The following ANKRD36 variants were observed in gnomAD, a reference collection of about 807,000 sequenced individuals.
ANKRD36 encodes the protein ankyrin repeat domain 36, also known as ankyrin repeat domain-containing protein 36A.
ANKRD36 carries 179 observed loss-of-function variants against 278.1 expected under a neutral mutation model. The ratio of observed to expected loss-of-function variants is 0.64; its 90% CI spans 0.57 to 0.73. The LOEUF is 0.73. ANKRD36 is among the 30% of genes least tolerant of loss of function. The pLI, the probability that ANKRD36 is intolerant of heterozygous loss-of-function variation, is 0.00. For synonymous variants in ANKRD36, 320 were observed against 641.1 expected (o/e 0.50, Z 7.57); for missense variants, 1,159 against 1,956.7 (o/e 0.59, Z 7.69).
intron 15 of ANKRD36, among the ~76,000 whole-genome samples, chr2:97,157,737 T>C (rs1400739959): frequency 6.7e-6 from 1 of 148,766 alleles, no homozygotes; most frequent in African/African-American, 2.5e-5. Flanking sequence ...CATGCCTAAG[T>C]ATTTTGAAAA....
intron 42 of ANKRD36, among the ~76,000 whole-genome samples, chr2:97,197,701 A>T (rs1255698896): frequency 6.6e-6 from 1 of 151,914 alleles, no homozygotes; most frequent in Non-Finnish European, 1.5e-5. Context: ...CTGAATGAAA[A>T]ACTGATCAAT....
Position 97,120,531 on chromosome 2 carries a change from A to G in ANKRD36, c.486+2014A>G, listed in dbSNP as rs536444432. On this transcript the variant is annotated intron_variant, in intron 3 of 75. Coordinates refer to ENST00000420699, the MANE Select transcript of ANKRD36 (RefSeq NM_001354587.1). ...TAATTTAATATTATTTTAATAATTT[A>G]GTTGCAGCAGTCTTATGAACTAATT... is the stretch of plus-strand genomic sequence containing the variant. Among the ~76,000 whole-genome samples the G allele has an allele frequency of 3.5e-4, 53 of 151,116 alleles. 1 individual carries two copies. The highest frequency in any genetic ancestry group is 1.3e-3 in the African/African-American group (53 of 41,420).
At chr2:97,197,090 G>C (rs561097686) in intron 42 of ANKRD36, among the ~76,000 whole-genome samples, 3 of 151,926 alleles carry the variant, frequency 2.0e-5, no homozygotes, top group Non-Finnish European at 4.4e-5. Context: ...CTTGTTTTCA[G>C]TAAGGGTGGA....
At chr2:97,187,081 A>G in intron 30 of ANKRD36, 117 bp from the exon 31 acceptor site, 1 of 1,523,404 alleles carries the variant, frequency 6.6e-7, no homozygotes, top group Non-Finnish European at 8.8e-7. Flanking sequence ...AGTAGAAAAC[A>G]TCAAAGCCTA....
chr2:97,199,331 C>G (rs1425577082), intron 44 of ANKRD36, among the ~76,000 whole-genome samples: 2 of 151,888 alleles, frequency 1.3e-5, no homozygotes, highest in Non-Finnish European at 2.9e-5. Context: ...TAGGAGGCCT[C>G]AGAGATACAT....
intron 56 of ANKRD36, among the ~76,000 whole-genome samples, chr2:97,210,360 T>C (rs2064107743): frequency 6.6e-6 from 1 of 151,804 alleles, no homozygotes; most frequent in Admixed American, 6.6e-5. Context: ...ATAAGAGGAA[T>C]TCTTTTATAT....
rs576578768 is a variant in ANKRD36, at chr2:97,145,356, C to T, written c.1003+644C>T. On this transcript the variant is annotated intron_variant, in intron 10 of 75. Transcript: ENST00000420699. ...TGCTAGAATTGTGATGAACCACAGT[C>T]ACCTGTTTCCCCTCTTTGTTATTAT... Among the ~76,000 whole-genome samples, 144 of 151,976 alleles carry T rather than the reference C, an allele frequency of 9.5e-4. 3 individuals are homozygous for T. The highest frequency in any genetic ancestry group is 8.6e-4 in the Admixed American group (13 of 15,190).
At chr2:97,242,404 T>G (rs1248965345) in intron 69 of ANKRD36, among the ~76,000 whole-genome samples, 2 of 151,662 alleles carry the variant, frequency 1.3e-5, no homozygotes, top group African/African-American at 4.8e-5. Context: ...GTAGATAAAA[T>G]TAATTCAGTT....
In ANKRD36 at chr2:97,124,603, T is replaced by C. The variant is rs1439510672; in HGVS notation, c.731+6T>C. 2.6e-6 allele frequency: 4 copies of C among 1,546,958 alleles called. No homozygotes were observed. The highest frequency in any genetic ancestry group is 3.5e-6 in the Non-Finnish European group (4 of 1,145,486). ...ATTGAGGCTAAGAATAGAGTGTAAG[T>C]CTTTACATAAAAAGGCTAGTGAACA... On this transcript the variant is annotated splice_donor_region_variant and intron_variant, in intron 5 of 75. Transcript: ENST00000420699.
At chr2:97,140,139 C>T (rs1409343570) in intron 6 of ANKRD36, among the ~76,000 whole-genome samples, 5 of 151,498 alleles carry the variant, frequency 3.3e-5, no homozygotes, top group African/African-American at 7.3e-5. Context: ...GCACTCTGCT[C>T]TTCTTGGATC....
In ANKRD36 at chr2:97,183,461, TCTC is replaced by T. The variant is rs1372963774; in HGVS notation, c.1844_1846del (p.Pro615del). 1 of 1,560,542 alleles carries T rather than the reference TCTC, an allele frequency of 6.4e-7. No individual in the cohort carries two copies. The highest frequency in any genetic ancestry group is 2.4e-5 in the East Asian group (1 of 41,600). On this transcript the variant is annotated inframe_deletion, in exon 27 of 76. Coordinates refer to ENST00000420699, the MANE Select transcript of ANKRD36 (RefSeq NM_001354587.1). Reference sequence around the variant, plus strand: ...TATATATTTCTTTTACTTTTCAGTGTCTCCTCAGAAACAATCGGCCTGGAAGGT... The same window carrying T: ...TATATATTTCTTTTACTTTTCAGTGTCTCAGAAACAATCGGCCTGGAAGGT...
chr2:97,207,529 A>G (rs1028057195), intron 52 of ANKRD36, among the ~76,000 whole-genome samples: 2 of 151,480 alleles, frequency 1.3e-5, no homozygotes, highest in Non-Finnish European at 3.0e-5. Context: ...TGTCCTCATC[A>G]CTCGGCATAT....
At chr2:97,201,976 G>A (rs1461016514) in intron 46 of ANKRD36, among the ~76,000 whole-genome samples, 1 of 151,844 alleles carries the variant, frequency 6.6e-6, no homozygotes, top group African/African-American at 2.4e-5. Context: ...CGACATATGA[G>A]AAATCATACC....
chr2:97,185,927 T>C lies in ANKRD36; in HGVS notation c.2041+417T>C, dbSNP rs151199058. 4.7e-3 allele frequency among the ~76,000 whole-genome samples: 718 copies of C among 151,866 alleles called. 4 individuals are homozygous for C. Among genetic ancestry groups the C allele is most frequent in the Non-Finnish European group, 7.6e-3 (515 of 67,934 alleles). On this transcript the variant is annotated intron_variant, in intron 30 of 75. Coordinates refer to ENST00000420699, the MANE Select transcript of ANKRD36 (RefSeq NM_001354587.1). Reference sequence around the variant, plus strand: ...CCAGTAAAAATTGTAGAATGAGAACTAACGAGACCACTGATGTAGCAATTA... The same window carrying C: ...CCAGTAAAAATTGTAGAATGAGAACCAACGAGACCACTGATGTAGCAATTA...
At chr2:97,228,408 T>C (rs1339256582) in intron 67 of ANKRD36, among the ~76,000 whole-genome samples, 9 of 152,130 alleles carry the variant, frequency 5.9e-5, no homozygotes, top group African/African-American at 1.4e-4. Flanking sequence ...TTCTAGATTT[T>C]CTAGTTTATT....
chr2:97,208,000 A>T lies in ANKRD36; in HGVS notation c.3259A>T (p.Lys1087Ter). The change falls in exon 54 of 76, where the codon AAG becomes TAG. Residue 1087 changes from lysine to a stop codon, truncating the protein, a stop_gained. Coordinates refer to ENST00000420699, the MANE Select transcript of ANKRD36 (RefSeq NM_001354587.1). LOFTEE classifies it high-confidence loss of function. The stretch of plus-strand genomic sequence containing the variant: ...AGGAAAAAAGTATGGAGAAAAAACT[A>T]AGAGAGGTAATTTTGAAAAGAGATT... ...ARGKKYGEKT[K>*]RVSSRKKPAL... 1 of 1,519,600 alleles carries T rather than the reference A, an allele frequency of 6.6e-7. No individual in the cohort carries two copies. Among genetic ancestry groups the T allele is most frequent in the African/African-American group, 1.5e-5 (1 of 65,784 alleles). 94.1% of individuals were successfully genotyped at this position (1,519,600 alleles called of 1,614,324 possible).
At chr2:97,133,510 TCA>T in intron 6 of ANKRD36, among the ~76,000 whole-genome samples, 1 of 152,142 alleles carries the variant, frequency 6.6e-6, no homozygotes, top group African/African-American at 2.4e-5. Context: ...TATAGATGGT[TCA>T]GTTTTGTTTT....
chr2:97,212,995 C>G (rs1350388244), intron 58 of ANKRD36: 1 of 357,474 alleles, frequency 2.8e-6, no homozygotes, highest in Non-Finnish European at 5.1e-6. Flanking sequence ...AGTTAAAGAG[C>G]ATGATGAATG....
intron 46 of ANKRD36, among the ~76,000 whole-genome samples, chr2:97,201,628 G>A (rs1346148294): frequency 6.6e-6 from 1 of 151,944 alleles, no homozygotes; most frequent in Non-Finnish European, 1.5e-5. Flanking sequence ...GGGTGGGAGA[G>A]ATAATGAATA....
Sources: allele counts gnomAD v4.1 joint callset (sites outside exome capture counted in the v4.1 genomes callset), GRCh38; gene constraint gnomAD v4.1.1; transcripts MANE v1.5; gene names NCBI Gene and HGNC (gene_info 2026-07-23, HGNC 2026-07-21).